The following TAS2R1 variants were observed in gnomAD, a reference collection of about 807,000 sequenced individuals.
The protein encoded by TAS2R1 is taste 2 receptor member 1, also known as taste receptor type 2 member 1.
For synonymous variants in TAS2R1, 141 were observed against 134.2 expected (o/e 1.05, Z -0.35); for missense variants, 370 against 353.4 (o/e 1.05, Z -0.38).
chr5:9,708,156 A>ATTTC (rs1741658923), intron 1 of TAS2R1, among the ~76,000 whole-genome samples: 1 of 152,216 alleles, frequency 6.6e-6, no homozygotes, highest in Admixed American at 6.5e-5. Context: ...GGGCCCGTAG[A>ATTTC]ATATTCTTCA....
At chr5:9,825,226 A>G in the TAS2R1 span, among the ~76,000 whole-genome samples, 67 of 152,304 alleles carry the variant, frequency 4.4e-4, no homozygotes, top group African/African-American at 1.5e-3. Flanking sequence ...GAGACTGCAT[A>G]ATTTATAAAG....
chr5:9,716,847 G>T (rs77316696), upstream of TAS2R1, among the ~76,000 whole-genome samples: 2 of 152,144 alleles, frequency 1.3e-5, no homozygotes, highest in Admixed American at 6.5e-5. Context: ...TTTAGAAGAC[G>T]AGGGTGAGCT....
chr5:9,678,876 G>A (rs1282501171), intron 1 of TAS2R1, among the ~76,000 whole-genome samples: 1 of 152,050 alleles, frequency 6.6e-6, no homozygotes, highest in Non-Finnish European at 1.5e-5. Flanking sequence ...GAATCACCAT[G>A]GCACATGTTT....
chr5:9,877,327 C>G, the TAS2R1 span, among the ~76,000 whole-genome samples: 2 of 151,818 alleles, frequency 1.3e-5, no homozygotes, highest in Admixed American at 1.3e-4. Flanking sequence ...TTCTTCCTTT[C>G]CAGAAAAAGA....
intron 2 of TAS2R1, among the ~76,000 whole-genome samples, chr5:9,640,338 A>G (rs928275638): frequency 1.4e-4 from 22 of 151,984 alleles, no homozygotes; most frequent in Non-Finnish European, 2.6e-4. Context: ...AAGATCATTG[A>G]TCACAGATCA....
the TAS2R1 span, among the ~76,000 whole-genome samples, chr5:9,775,391 G>A: frequency 1.3e-5 from 2 of 152,120 alleles, no homozygotes; most frequent in African/African-American, 4.8e-5. Flanking sequence ...TCTGGAACTG[G>A]GGACCCTGAG....
chr5:9,896,382 AT>A, the TAS2R1 span, among the ~76,000 whole-genome samples: 2 of 152,126 alleles, frequency 1.3e-5, no homozygotes, highest in Non-Finnish European at 2.9e-5. Flanking sequence ...GCCACCTTTC[AT>A]TTTTTGGAGG....
At chr5:9,748,454 T>A in the TAS2R1 span, among the ~76,000 whole-genome samples, 3 of 152,172 alleles carry the variant, frequency 2.0e-5, no homozygotes, top group Non-Finnish European at 2.9e-5. Flanking sequence ...GATGGGGTAG[T>A]TGATAAATAA....
the TAS2R1 span, among the ~76,000 whole-genome samples, chr5:9,749,312 T>A: frequency 6.6e-6 from 1 of 152,138 alleles, no homozygotes; most frequent in Non-Finnish European, 1.5e-5. Flanking sequence ...TGTGTAGACC[T>A]TAAATGCTGA....
Position 9,628,775 on chromosome 5 carries a change from T to C in TAS2R1, c.*358A>G, listed in dbSNP as rs2126471805. 6.6e-6 allele frequency among the ~76,000 whole-genome samples: 1 copy of C among 152,330 alleles called. No individual in the cohort carries two copies. The highest frequency in any genetic ancestry group is 6.5e-5 in the Admixed American group (1 of 15,312). On this transcript the variant is annotated 3_prime_UTR_variant, in exon 1 of 1. Transcript: ENST00000382492. ...TTCAAACAAGTGCTTTTCTTTTTCA[T>C]CAAACTTTTAATTTTGAAATAATTG... is the stretch of plus-strand genomic sequence containing the variant.
chr5:9,639,682 C>T (rs769928588), intron 2 of TAS2R1, among the ~76,000 whole-genome samples: 4 of 152,180 alleles, frequency 2.6e-5, no homozygotes, highest in Non-Finnish European at 5.9e-5. Context: ...TTCTGAATTG[C>T]TGCAGCTTCT....
the TAS2R1 span, among the ~76,000 whole-genome samples, chr5:9,871,772 A>G: frequency 6.6e-6 from 1 of 152,192 alleles, no homozygotes; most frequent in Admixed American, 6.5e-5. Flanking sequence ...TTTTATGAAT[A>G]AGGGGCTGCA....
At chr5:9,706,855 C>T (rs973449495) in intron 1 of TAS2R1, among the ~76,000 whole-genome samples, 1 of 152,152 alleles carries the variant, frequency 6.6e-6, no homozygotes, top group Non-Finnish European at 1.5e-5. Flanking sequence ...TTTCAGCCTC[C>T]ACTCCCCCGA....
At chr5:9,664,057 G>A (rs980924445) in intron 1 of TAS2R1, among the ~76,000 whole-genome samples, 1 of 152,084 alleles carries the variant, frequency 6.6e-6, no homozygotes, top group Non-Finnish European at 1.5e-5. Context: ...ATACATTTCT[G>A]TTATTTTAAG....
chr5:9,889,235 C>T, the TAS2R1 span, among the ~76,000 whole-genome samples: 7 of 152,168 alleles, frequency 4.6e-5, no homozygotes, highest in Non-Finnish European at 1.0e-4. Context: ...GTGCCCCCAT[C>T]TGCACCATGC....
chr5:9,701,928 T>C (rs987046207), intron 1 of TAS2R1, among the ~76,000 whole-genome samples: 4 of 152,138 alleles, frequency 2.6e-5, no homozygotes, highest in Admixed American at 1.3e-4. Flanking sequence ...TCTGTTAGAG[T>C]GAGATTAATG....
intron 2 of TAS2R1, among the ~76,000 whole-genome samples, chr5:9,653,365 A>G (rs1448587398): frequency 1.3e-5 from 2 of 152,152 alleles, no homozygotes; most frequent in African/African-American, 4.8e-5. Context: ...TTAAGGCTCA[A>G]TAATGTTCCA....
chr5:9,630,014 T>C lies in TAS2R1; in HGVS notation c.19A>G (p.Ile7Val), dbSNP rs759889287. Reference sequence around the variant, plus strand: ...ATCACTGCAAGAAGAAAATAGATAATGAGGTGAGACTCTAGCATTTTAGGA... The same window carrying C: ...ATCACTGCAAGAAGAAAATAGATAACGAGGTGAGACTCTAGCATTTTAGGA... MLESHLIIYFLLAVIQF... is the reference protein window; with the variant it reads MLESHLVIYFLLAVIQF... Residue 7 changes from isoleucine to valine, a missense_variant, in exon 1 of 1, where the codon ATT (isoleucine) becomes GTT (valine). By Grantham distance (29) the Ile-to-Val change is conservative. Coordinates refer to ENST00000382492, the MANE Select transcript of TAS2R1 (RefSeq NM_019599.3). The C allele has an allele frequency of 6.3e-7, 1 of 1,578,884 alleles. No homozygotes were observed. The highest frequency in any genetic ancestry group is 8.6e-7 in the Non-Finnish European group (1 of 1,166,940).
At chr5:9,844,357 C>T in the TAS2R1 span, among the ~76,000 whole-genome samples, 1 of 152,144 alleles carries the variant, frequency 6.6e-6, no homozygotes, top group South Asian at 2.1e-4. Context: ...CTATGCCCTC[C>T]CTTATTACTT....
Sources: gnomAD v4.1 joint callset for allele counts (sites outside exome capture counted in the v4.1 genomes callset) on GRCh38, gnomAD v4.1.1 for gene constraint, MANE v1.5 for transcripts, NCBI Gene and HGNC (gene_info 2026-07-23, HGNC 2026-07-21) for gene names.